Variants in SUPT16H observed in about 807,000 individuals in gnomAD.
SUPT16H encodes the protein SPT16 homolog, facilitates chromatin remodeling subunit.
A neutral mutation model predicts 136.2 loss-of-function variants in SUPT16H; 24 were observed. That is an observed-to-expected ratio of 0.18 (90% CI 0.13 to 0.25). The LOEUF (loss-of-function observed/expected upper bound fraction) is 0.25. Ranked by LOEUF, SUPT16H falls within the 10% of genes least tolerant of loss-of-function variation. The pLI is 1.00. For synonymous variants in SUPT16H, 415 were observed against 428.2 expected (o/e 0.97, Z 0.38); for missense variants, 623 against 1,270.2 (o/e 0.49, Z 7.74).
At chr14:21,378,528 G>T (rs941087024) in intron 1 of SUPT16H, among the ~76,000 whole-genome samples, 9 of 152,108 alleles carry the variant, frequency 5.9e-5, no homozygotes, top group Admixed American at 5.9e-4. Flanking sequence ...AACTGTGTGG[G>T]GTGGTGGGTA....
At chr14:21,383,420 T>G in intron 1 of SUPT16H, 1 of 504,052 alleles carries the variant, frequency 2.0e-6, no homozygotes, top group Non-Finnish European at 3.5e-6. Context: ...CCGATTGACA[T>G]CCTCCTTGCC....
chr14:21,359,805 A>G (rs1236366993), intron 18 of SUPT16H, among the ~76,000 whole-genome samples, 196 bp from the exon 19 acceptor site: 1 of 152,216 alleles, frequency 6.6e-6, no homozygotes, highest in Non-Finnish European at 1.5e-5. Context: ...CCTACTTATT[A>G]CAGGAACTTT....
intron 8 of SUPT16H, 40 bp from the exon 9 acceptor site, chr14:21,365,183 T>A: frequency 6.4e-7 from 1 of 1,553,988 alleles, no homozygotes; most frequent in Non-Finnish European, 8.9e-7. Flanking sequence ...AGGCTAAAGA[T>A]CTCTAACATG....
In SUPT16H at chr14:21,360,378, C is replaced by T. The variant is rs369026254; in HGVS notation, c.2175+37G>A. ...AAGCTGAGTGAAATGAAGTGTCTTG[C>T]CCAAGAGCTGACAGCTAGTTAAGTA... On this transcript the variant is annotated intron_variant, in intron 18 of 25. Coordinates refer to ENST00000216297, the MANE Select transcript of SUPT16H (RefSeq NM_007192.4). The T allele has an allele frequency of 7.5e-6, 11 of 1,472,432 alleles. No homozygotes were observed. The African/African-American group carries it at 1.5e-4, about 21-fold the overall frequency. 91.2% of individuals were successfully genotyped at this position (1,472,432 alleles called of 1,614,324 possible).
intron 22 of SUPT16H, among the ~76,000 whole-genome samples, chr14:21,356,534 C>T (rs1227956330): frequency 1.3e-5 from 2 of 152,128 alleles, no homozygotes; most frequent in Non-Finnish European, 2.9e-5. Context: ...AAAGATCAAA[C>T]AGAATCCAAC....
At chr14:21,382,575 G>C (rs1216503482) in intron 1 of SUPT16H, among the ~76,000 whole-genome samples, 1 of 152,154 alleles carries the variant, frequency 6.6e-6, no homozygotes, top group African/African-American at 2.4e-5. Context: ...CAGGGTTTAT[G>C]GGTACAAGAG....
intron 21 of SUPT16H, 92 bp from the exon 22 acceptor site, chr14:21,357,458 A>G (rs1209163334): frequency 1.5e-5 from 20 of 1,311,430 alleles, no homozygotes; most frequent in Admixed American, 3.2e-5. Context: ...TCACTACATA[A>G]AAGATAACTT....
intron 10 of SUPT16H, among the ~76,000 whole-genome samples, chr14:21,364,325 G>A (rs1410761564): frequency 6.6e-6 from 1 of 152,036 alleles, no homozygotes; most frequent in African/African-American, 2.4e-5. Flanking sequence ...TAGAGAGAAC[G>A]CAGTTTAGTC....
chr14:21,358,346 G>A lies in SUPT16H; in HGVS notation c.2383C>T (p.Leu795=). 6.2e-7 allele frequency: 1 copy of A among 1,613,146 alleles called. No homozygotes were observed. The highest frequency in any genetic ancestry group is 8.5e-7 in the Non-Finnish European group (1 of 1,179,738). The change falls in exon 20 of 26, where the codon CTG becomes TTG. Residue 795 remains leucine, a synonymous_variant. Coordinates refer to ENST00000216297, the MANE Select transcript of SUPT16H (RefSeq NM_007192.4). ...EKVEALTKEE[L]EFEVPFRDLG... is the part of the protein sequence containing the mutation. Reference sequence around the variant, plus strand: ...TCCCTAAAAGGCACTTCAAATTCCAGTTCCTCCTTAGTTAGAGCCTCTACT... The same window carrying A: ...TCCCTAAAAGGCACTTCAAATTCCAATTCCTCCTTAGTTAGAGCCTCTACT...
rs866587435 is a variant in SUPT16H at position 21,369,838 on chromosome 14, T to G, written c.542A>C (p.Asn181Thr). ...TIAVKEDGEL[N>T]LMKKAASITS... The stretch of plus-strand genomic sequence containing the variant: ...GATGCTGGCTGCTTTCTTCATTAGG[T>G]TGAGCTCCCCATCCTCCTTTACAGC... The change falls in exon 5 of 26, where the codon AAC becomes ACC. Residue 181 changes from asparagine to threonine, a missense_variant. Physicochemically the swap from Asn to Thr is moderately conservative, Grantham distance 65. Coordinates refer to ENST00000216297, the MANE Select transcript of SUPT16H (RefSeq NM_007192.4). The G allele has an allele frequency of 6.2e-7, 1 of 1,614,068 alleles. No homozygotes were observed. The highest frequency in any genetic ancestry group is 8.5e-7 in the Non-Finnish European group (1 of 1,180,024).
chr14:21,370,258 C>A, intron 4 of SUPT16H, 78 bp downstream of exon 4: 1 of 1,518,290 alleles, frequency 6.6e-7, no homozygotes, highest in South Asian at 1.3e-5. Context: ...AACAAACGTC[C>A]TGCACTATCT....
chr14:21,382,959 CAT>C (rs2139423159), intron 1 of SUPT16H: 1 of 152,250 alleles, frequency 6.6e-6, no homozygotes, highest in South Asian at 2.1e-4. Context: ...GAGAGCTGAT[CAT>C]TTTTCTCAAA....
In SUPT16H at chr14:21,383,910, G is replaced by C. The variant is rs1173028066; in HGVS notation, c.18C>G (p.Asp6Glu). ...TCACTCGCCGATAATAAGCGTCTTT[G>C]TCCAGAGTCACAGCCATAGCCCCGG... MAVTL[D>E]KDAYYRRVKR... Residue 6 changes from aspartate to glutamate, a missense_variant, in exon 1 of 26, where the codon GAC becomes GAG. By Grantham distance (45) the Asp-to-Glu change is conservative. This residue lies in a region of SUPT16H where 343 missense variants were observed against 525.7 expected (regional missense o/e 0.65). Transcript: ENST00000216297. 6.2e-7 allele frequency: 1 copy of C among 1,612,796 alleles called. No homozygotes were observed. Among genetic ancestry groups the C allele is most frequent in the South Asian group, 1.1e-5 (1 of 91,018 alleles).
rs537067380 is a variant in SUPT16H at position 21,353,384 on chromosome 14, T to C, written c.2998+104A>G. 1.3e-4 allele frequency: 146 copies of C among 1,162,896 alleles called. No individual in the cohort carries two copies. The Middle Eastern group carries it at 2.3e-3, about 18-fold the overall frequency. 72.0% of individuals were successfully genotyped at this position (1,162,896 alleles called of 1,614,324 possible). A position where few individuals can be genotyped will look rare whatever the true frequency, so the allele number is the denominator to read the frequency against. On this transcript the variant is annotated intron_variant, in intron 25 of 25. Coordinates refer to ENST00000216297, the MANE Select transcript of SUPT16H (RefSeq NM_007192.4). ...TCCAAAGCACTTTTATAGTGTTCTT[T>C]TGTTACTTTCATTACGCCATCAATA...
chr14:21,366,871 T>G (rs1886681938), intron 7 of SUPT16H, among the ~76,000 whole-genome samples: 1 of 152,060 alleles, frequency 6.6e-6, no homozygotes, highest in Admixed American at 6.6e-5. Flanking sequence ...GGTCTCAAAC[T>G]GGACTCAAGC....
chr14:21,371,906 C>G lies in SUPT16H; in HGVS notation c.298G>C (p.Ala100Pro). 6.2e-7 allele frequency: 1 copy of G among 1,614,052 alleles called. No homozygotes were observed. The highest frequency in any genetic ancestry group is 8.5e-7 in the Non-Finnish European group (1 of 1,180,012). The change falls in exon 3 of 26, where the codon GCC (alanine) becomes CCC (proline). Residue 100 changes from alanine to proline, a missense_variant. Physicochemically the swap from Ala to Pro is conservative, Grantham distance 27. Transcript: ENST00000216297. ...CGTATTAGCAGTGTGATGGCAGGGG[C>G]TCCATTAGCATTCTCATTGCCCTTA... ...NTKGNENANG[A>P]PAITLLIREK...
At chr14:21,374,166 A>G (rs764543850) in intron 1 of SUPT16H, among the ~76,000 whole-genome samples, 3 of 152,238 alleles carry the variant, frequency 2.0e-5, no homozygotes, top group Non-Finnish European at 4.4e-5. Flanking sequence ...AGAAATTTTA[A>G]TAGAGAGATG....
At chr14:21,366,628 T>C in intron 7 of SUPT16H, 99 bp from the exon 8 acceptor site, 1 of 1,129,110 alleles carries the variant, frequency 8.9e-7, no homozygotes, top group Non-Finnish European at 1.3e-6. Flanking sequence ...GCAGTGTTTC[T>C]CAAAGTGTGA....
intron 19 of SUPT16H, among the ~76,000 whole-genome samples, chr14:21,358,999 G>A (rs1426634888): frequency 1.3e-5 from 2 of 152,046 alleles, no homozygotes; most frequent in Admixed American, 6.6e-5. Context: ...TAGAGACAGC[G>A]TTTCACTGTG....
Sources: allele counts gnomAD v4.1 joint callset (sites outside exome capture counted in the v4.1 genomes callset), GRCh38; gene constraint gnomAD v4.1.1; regional missense constraint gnomAD v4.1.1; transcripts MANE v1.5; gene names NCBI Gene and HGNC (gene_info 2026-07-23, HGNC 2026-07-21).